The following MYO1D variants were observed in gnomAD, a reference collection of about 807,000 sequenced individuals.
MYO1D encodes unconventional myosin-Id.
In MYO1D, 83 loss-of-function variants were observed where a neutral mutation model predicts 122.0. The observed-to-expected ratio is 0.68, with a 90% CI of 0.57 to 0.82. The LOEUF (loss-of-function observed/expected upper bound fraction) is 0.82, where lower values mean the gene tolerates loss of function less well. Ranked by LOEUF, MYO1D falls within the 40% of genes least tolerant of loss-of-function variation. The pLI is 0.00. For missense variants in MYO1D, 1,157 were observed against 1,269.5 expected (o/e 0.91, Z 1.35); for synonymous variants, 464 against 446.9 (o/e 1.04, Z -0.48).
intron 21 of MYO1D, among the ~76,000 whole-genome samples, chr17:32,511,299 C>T (rs1909689054): frequency 1.3e-5 from 2 of 151,992 alleles, no homozygotes; most frequent in Admixed American, 6.5e-5. Context: ...TCATAGTTCA[C>T]TGCAGCCTCA....
intron 16 of MYO1D, among the ~76,000 whole-genome samples, chr17:32,697,025 G>T (rs1192443745): frequency 1.3e-5 from 2 of 152,070 alleles, no homozygotes; most frequent in Non-Finnish European, 2.9e-5. Context: ...TAAGATTTTG[G>T]CAAACTTCTT....
At chr17:32,653,682 C>T (rs957807607) in intron 19 of MYO1D, among the ~76,000 whole-genome samples, 161 bp downstream of exon 19, 3 of 151,758 alleles carry the variant, frequency 2.0e-5, no homozygotes, top group Non-Finnish European at 2.9e-5. Flanking sequence ...GTTGTAGTCA[C>T]CTCAGCCATT....
intron 21 of MYO1D, among the ~76,000 whole-genome samples, chr17:32,532,674 C>T (rs542142018): frequency 1.6e-4 from 24 of 145,598 alleles, no homozygotes; most frequent in African/African-American, 5.7e-4. Context: ...TGGAGTAAGC[C>T]GAGATTGCCA....
intron 20 of MYO1D, among the ~76,000 whole-genome samples, chr17:32,609,529 A>G (rs935885685): frequency 6.6e-6 from 1 of 152,200 alleles, no homozygotes; most frequent in Non-Finnish European, 1.5e-5. Flanking sequence ...TTCCATGCCT[A>G]TGTTTTACAG....
chr17:32,704,086 C>A (rs1271919028), intron 16 of MYO1D, among the ~76,000 whole-genome samples: 1 of 152,190 alleles, frequency 6.6e-6, no homozygotes, highest in African/African-American at 2.4e-5. Flanking sequence ...TTTCTTAGCA[C>A]CTCCTTTCTT....
At chr17:32,716,524 G>A (rs1037245414) in intron 15 of MYO1D, among the ~76,000 whole-genome samples, 3 of 152,166 alleles carry the variant, frequency 2.0e-5, no homozygotes, top group Non-Finnish European at 4.4e-5. Flanking sequence ...ATCATTTAAA[G>A]CCTACTCACT....
At chr17:32,768,848 T>C (rs895135486) in intron 6 of MYO1D, among the ~76,000 whole-genome samples, 2 of 152,238 alleles carry the variant, frequency 1.3e-5, no homozygotes, top group Non-Finnish European at 2.9e-5. Context: ...ACTATTATTA[T>C]AAACTGCAAC....
chr17:32,659,058 G>T, intron 17 of MYO1D, 57 bp downstream of exon 17: 1 of 1,462,416 alleles, frequency 6.8e-7, no homozygotes, highest in Non-Finnish European at 9.6e-7. Flanking sequence ...TTGTGACTTT[G>T]CATAGTATTA....
chr17:32,787,441 C>A (rs1446329472), intron 1 of MYO1D, among the ~76,000 whole-genome samples: 2 of 148,878 alleles, frequency 1.3e-5, no homozygotes, highest in African/African-American at 2.5e-5. Context: ...TTTTTTGAGA[C>A]GGAGTCTCAC....
rs563832875 is a variant in MYO1D, at chr17:32,502,283, T to C, written c.2865-7368A>G. On this transcript the variant is annotated intron_variant, in intron 21 of 21. Coordinates refer to ENST00000318217, the MANE Select transcript of MYO1D (RefSeq NM_015194.3). ...AAGATGAACCTTGAACCTTGAAACATGATGCTAAGTGAAAGGTGGCAGACA... is the reference window on the plus strand; with the variant it reads ...AAGATGAACCTTGAACCTTGAAACACGATGCTAAGTGAAAGGTGGCAGACA... Among the ~76,000 whole-genome samples the C allele has an allele frequency of 2.6e-5, 4 of 152,308 alleles. No individual in the cohort carries two copies. The East Asian group carries it at 7.7e-4, about 29-fold the overall frequency.
At position 32,810,179 on chromosome 17, in the gene MYO1D, T is replaced by C. The variant is rs1392548183; in HGVS notation, c.96-29395A>G. ...CAGGAACCAATGTGACAAGGGACTATATATGAAGGGTGAGGAAGCTGCAGA... is the reference window on the plus strand; with the variant it reads ...CAGGAACCAATGTGACAAGGGACTACATATGAAGGGTGAGGAAGCTGCAGA... On this transcript the variant is annotated intron_variant, in intron 1 of 21. Coordinates refer to ENST00000318217, the MANE Select transcript of MYO1D (RefSeq NM_015194.3). Among the ~76,000 whole-genome samples the C allele has an allele frequency of 3.3e-5, 5 of 151,930 alleles. No homozygotes were observed. In the South Asian group the frequency reaches 8.3e-4, roughly 25 times the overall value.
intron 1 of MYO1D, among the ~76,000 whole-genome samples, chr17:32,806,698 C>G (rs2090516692): frequency 1.3e-5 from 2 of 152,156 alleles, no homozygotes; most frequent in South Asian, 4.1e-4. Context: ...TTTTGAATAT[C>G]TAAAGAGATT....
intron 11 of MYO1D, among the ~76,000 whole-genome samples, chr17:32,752,247 C>A (rs1022377797): frequency 6.6e-6 from 1 of 152,096 alleles, no homozygotes; most frequent in Admixed American, 6.5e-5. Flanking sequence ...GAAATTGGAC[C>A]CCTGTCTCTC....
chr17:32,513,429 G>A (rs1379826384), intron 21 of MYO1D, among the ~76,000 whole-genome samples: 1 of 152,160 alleles, frequency 6.6e-6, no homozygotes, highest in East Asian at 1.9e-4. Flanking sequence ...GGAGAAGGAG[G>A]TGGAAAGAGA....
At chr17:32,708,817 A>C (rs2089340000) in intron 16 of MYO1D, among the ~76,000 whole-genome samples, 1 of 152,200 alleles carries the variant, frequency 6.6e-6, no homozygotes, top group Admixed American at 6.5e-5. Flanking sequence ...CATATGTGAT[A>C]ATTTTTGAAG....
At chr17:32,844,276 G>GAT (rs957865343) in intron 1 of MYO1D, among the ~76,000 whole-genome samples, 244 of 144,530 alleles carry the variant, frequency 1.7e-3, no homozygotes, top group Admixed American at 6.1e-3. Context: ...TATCATATAT[G>GAT]ATATATATAT....
In MYO1D at chr17:32,778,684, CAT is replaced by C. The variant is rs2090205249; in HGVS notation, c.305-113_305-112del. 1.7e-4 allele frequency: 167 copies of C among 977,592 alleles called. 4 individuals are homozygous for C. The South Asian group carries it at 2.5e-3, about 15-fold the overall frequency. 60.6% of individuals were successfully genotyped at this position (977,592 alleles called of 1,614,324 possible). ...TACTGGTGATGCATTTAAAATCCCA[CAT>C]GTTGCACTGTTTCATTTTTTTGCTT... On this transcript the variant is annotated intron_variant, in intron 2 of 21. Coordinates refer to ENST00000318217, the MANE Select transcript of MYO1D (RefSeq NM_015194.3).
Position 32,602,127 on chromosome 17 carries a change from A to G in MYO1D, c.2864+2960T>C, listed in dbSNP as rs926521292. ...AACATCAGTGTATTTTTCATCTAGA[A>G]GTTCGATTTGGGTCTTTTTCTTACA... On this transcript the variant is annotated intron_variant, in intron 21 of 21. Transcript: ENST00000318217. Among the ~76,000 whole-genome samples the G allele has an allele frequency of 2.0e-5, 3 of 152,188 alleles. No homozygotes were observed. In the East Asian group the frequency reaches 5.8e-4, roughly 29 times the overall value.
chr17:32,722,793 C>T (rs772965174), intron 14 of MYO1D, among the ~76,000 whole-genome samples: 100 of 152,234 alleles, frequency 6.6e-4, no homozygotes, highest in African/African-American at 2.1e-3. Flanking sequence ...TGGTTTCTGG[C>T]ATAGCGCTTC....
Sources: gnomAD v4.1 joint callset for allele counts (sites outside exome capture counted in the v4.1 genomes callset) on GRCh38, gnomAD v4.1.1 for gene constraint, MANE v1.5 for transcripts, NCBI Gene and HGNC (gene_info 2026-07-23, HGNC 2026-07-21) for gene names.